Variants in GRM8 observed in about 807,000 individuals in gnomAD.
The protein encoded by GRM8 is metabotropic glutamate receptor 8.
A neutral mutation model predicts 87.2 loss-of-function variants in GRM8; 47 were observed. The ratio of observed to expected loss-of-function variants is 0.54; its 90% CI spans 0.43 to 0.69. The LOEUF (loss-of-function observed/expected upper bound fraction) is 0.69, where lower values mean the gene tolerates loss of function less well. GRM8 is among the 30% of genes least tolerant of loss of function. The probability of loss-of-function intolerance (pLI) is 0.00; values close to 1 mark genes in which losing one functional copy is unlikely to be tolerated. For missense variants in GRM8, 1,019 were observed against 1,139.2 expected (o/e 0.89, Z 1.52); for synonymous variants, 396 against 404.5 (o/e 0.98, Z 0.25).
intron 7 of GRM8, among the ~76,000 whole-genome samples, chr7:126,733,782 T>C (rs1471016962): frequency 1.3e-5 from 2 of 151,986 alleles, no homozygotes; most frequent in Non-Finnish European, 2.9e-5. Context: ...AACAGTGACA[T>C]CAGAGATCAG....
At chr7:126,563,972 T>C (rs549425536) in intron 8 of GRM8, among the ~76,000 whole-genome samples, 2 of 152,302 alleles carry the variant, frequency 1.3e-5, no homozygotes, top group East Asian at 1.9e-4. Context: ...AAAATTATAA[T>C]AGAGTTTCAT....
At chr7:126,560,631 ATT>A (rs1238262032) in intron 8 of GRM8, among the ~76,000 whole-genome samples, 1 of 152,168 alleles carries the variant, frequency 6.6e-6, no homozygotes, top group Admixed American at 6.5e-5. Flanking sequence ...TAAATACATT[ATT>A]TTCTATAACA....
chr7:126,855,494 C>G (rs1276857201), intron 6 of GRM8, among the ~76,000 whole-genome samples: 1 of 134,436 alleles, frequency 7.4e-6, no homozygotes, highest in Non-Finnish European at 1.6e-5. Flanking sequence ...TTTTTTGAGA[C>G]AGAGTCTCGT....
intron 3 of GRM8, among the ~76,000 whole-genome samples, chr7:126,977,959 A>G (rs961397922): frequency 1.8e-4 from 27 of 152,212 alleles, no homozygotes; most frequent in Admixed American, 2.6e-4. Flanking sequence ...GTAATAATAG[A>G]AATAAATTGA....
intron 9 of GRM8, among the ~76,000 whole-genome samples, chr7:126,522,933 A>AT (rs1281187612): frequency 2.6e-5 from 4 of 152,162 alleles, no homozygotes; most frequent in African/African-American, 9.7e-5. Flanking sequence ...TCATTTTTGC[A>AT]TTTTTCTGAA....
chr7:126,557,035 A>G (rs958658866), intron 8 of GRM8, among the ~76,000 whole-genome samples: 3 of 152,204 alleles, frequency 2.0e-5, no homozygotes, highest in Non-Finnish European at 2.9e-5. Context: ...GATAAGATAG[A>G]GCCCTATTCT....
At chr7:126,476,767 A>G (rs1490201239) in intron 9 of GRM8, among the ~76,000 whole-genome samples, 2 of 152,142 alleles carry the variant, frequency 1.3e-5, no homozygotes, top group East Asian at 3.9e-4. Context: ...GGATGGGGAG[A>G]AAAGGAAAAC....
At chr7:126,889,788 T>C (rs1800827732) in intron 6 of GRM8, among the ~76,000 whole-genome samples, 1 of 152,110 alleles carries the variant, frequency 6.6e-6, no homozygotes, top group Non-Finnish European at 1.5e-5. Flanking sequence ...TCTGACTTAA[T>C]TCAGAATTTC....
intron 3 of GRM8, among the ~76,000 whole-genome samples, chr7:127,029,814 C>A (rs561500710): frequency 1.6e-4 from 24 of 151,878 alleles, no homozygotes; most frequent in Middle Eastern, 3.4e-3. Flanking sequence ...AGATGGGGAG[C>A]CTCCTTGTTA....
chr7:126,812,038 T>C (rs1258245218), intron 6 of GRM8, among the ~76,000 whole-genome samples: 4 of 151,940 alleles, frequency 2.6e-5, no homozygotes, highest in Non-Finnish European at 1.5e-5. Flanking sequence ...TGCATTATTC[T>C]GGTGAAGGAT....
chr7:126,956,576 C>T (rs988385779), intron 3 of GRM8, among the ~76,000 whole-genome samples: 2 of 152,116 alleles, frequency 1.3e-5, no homozygotes, highest in Non-Finnish European at 2.9e-5. Context: ...TGTTGGTGTG[C>T]TGCACCCATT....
Position 126,537,580 on chromosome 7 carries a change from T to C in GRM8, c.1495-3693A>G, listed in dbSNP as rs1032763171. Among the ~76,000 whole-genome samples the C allele has an allele frequency of 2.0e-5, 3 of 152,010 alleles. No homozygotes were observed. The East Asian group carries it at 5.8e-4, about 29-fold the overall frequency. On this transcript the variant is annotated intron_variant, in intron 8 of 10. Transcript: ENST00000339582. ...TCACAAGGTCAGGAGATCGAGACCATCCTGGCCAACACGGTAAAACCCTGT... is the reference window on the plus strand; with the variant it reads ...TCACAAGGTCAGGAGATCGAGACCACCCTGGCCAACACGGTAAAACCCTGT...
chr7:126,752,575 T>C (rs932764338), intron 7 of GRM8, among the ~76,000 whole-genome samples: 3 of 152,108 alleles, frequency 2.0e-5, no homozygotes, highest in African/African-American at 7.2e-5. Context: ...GCCATAAGGA[T>C]TTCCATGGGT....
intron 8 of GRM8, among the ~76,000 whole-genome samples, chr7:126,576,132 T>C (rs1033056384): frequency 2.6e-5 from 4 of 152,208 alleles, no homozygotes; most frequent in Non-Finnish European, 5.9e-5. Context: ...CAGCATTATG[T>C]AATATTTAAA....
Position 127,081,142 on chromosome 7 carries a change from C to T in GRM8, c.727+25354G>A, listed in dbSNP as rs147053396. Among the ~76,000 whole-genome samples, 216 of 152,242 alleles carry T rather than the reference C, an allele frequency of 1.4e-3. 1 individual carries two copies. The highest frequency in any genetic ancestry group is 5.1e-3 in the African/African-American group (212 of 41,544). ...CAGACACTTAATCCCTAGAATAGCA[C>T]GAAAGGTCCTTTCTGGGCTAGCCTT... On this transcript the variant is annotated intron_variant, in intron 3 of 10. Coordinates refer to ENST00000339582, the MANE Select transcript of GRM8 (RefSeq NM_000845.3).
chr7:127,214,376 T>A (rs1796396626), intron 2 of GRM8, among the ~76,000 whole-genome samples: 1 of 152,242 alleles, frequency 6.6e-6, no homozygotes. Context: ...AAACTTTGTA[T>A]ATAATTTAAC....
At chr7:127,056,144 A>C (rs891989064) in intron 3 of GRM8, among the ~76,000 whole-genome samples, 1 of 152,294 alleles carries the variant, frequency 6.6e-6, no homozygotes, top group South Asian at 2.1e-4. Flanking sequence ...ATTTCAGGAA[A>C]TTTTTGATGA....
At chr7:126,812,137 T>TA (rs1793360113) in intron 6 of GRM8, among the ~76,000 whole-genome samples, 1 of 151,952 alleles carries the variant, frequency 6.6e-6, no homozygotes, top group African/African-American at 2.4e-5. Flanking sequence ...AATAGCTTTT[T>TA]AAAAAAATTA....
chr7:126,673,974 A>G (rs1036891968), intron 7 of GRM8, among the ~76,000 whole-genome samples: 1 of 152,160 alleles, frequency 6.6e-6, no homozygotes, highest in African/African-American at 2.4e-5. Flanking sequence ...AAATATATCA[A>G]TATAGACCTT....
Sources: allele counts gnomAD v4.1 joint callset (sites outside exome capture counted in the v4.1 genomes callset), GRCh38; gene constraint gnomAD v4.1.1; transcripts MANE v1.5; gene names NCBI Gene and HGNC (gene_info 2026-07-23, HGNC 2026-07-21).